The following SMCP variants were observed in gnomAD, a reference collection of about 807,000 sequenced individuals.
SMCP encodes sperm mitochondrial-associated cysteine-rich protein.
For synonymous variants in SMCP, 41 were observed against 46.9 expected (o/e 0.87, Z 0.51); for missense variants, 137 against 137.1 (o/e 1.00, Z 0.01).
At chr1:152,881,689 C>T (rs1240690335) in intron 1 of SMCP, among the ~76,000 whole-genome samples, 5 of 123,676 alleles carry the variant, frequency 4.0e-5, no homozygotes, top group Non-Finnish European at 6.1e-5. Context: ...AGCGAGACTC[C>T]GTCTCAAAAA....
At chr1:152,883,424 C>A (rs1009009416) in intron 1 of SMCP, among the ~76,000 whole-genome samples, 2 of 152,154 alleles carry the variant, frequency 1.3e-5, no homozygotes, top group Admixed American at 6.5e-5. Flanking sequence ...GGGACCAGGG[C>A]GGAAACCATT....
chr1:152,881,784 A>G (rs7553755), intron 1 of SMCP, among the ~76,000 whole-genome samples: 17,911 of 151,852 alleles, frequency 0.12, 2,661 homozygotes, highest in East Asian at 0.52. Flanking sequence ...CATGTCTGAG[A>G]AGGCCTCAGG....
chr1:152,879,117 G>A lies in SMCP; in HGVS notation c.-21+671G>A, dbSNP rs1382049339. Among the ~76,000 whole-genome samples, 4 of 152,244 alleles carry A rather than the reference G, an allele frequency of 2.6e-5. No homozygotes were observed. The East Asian group carries it at 7.7e-4, about 29-fold the overall frequency. ...AGATGGCCCTGGCCTTGCACCACAA[G>A]TGTTTGACATGATTAGGCAGATTTC... On this transcript the variant is annotated intron_variant, in intron 1 of 1. Coordinates refer to ENST00000368765, the MANE Select transcript of SMCP (RefSeq NM_030663.3).
chr1:152,884,276 C>G (rs1283223566), intron 1 of SMCP, 127 bp from the exon 2 acceptor site: 1 of 826,024 alleles, frequency 1.2e-6, no homozygotes, highest in African/African-American at 1.7e-5. Flanking sequence ...AGGGATCCAG[C>G]TCTGCTTTCT....
chr1:152,882,557 C>T (rs80203710), intron 1 of SMCP, among the ~76,000 whole-genome samples: 1,804 of 152,290 alleles, frequency 0.012, 29 homozygotes, highest in African/African-American at 0.041. Flanking sequence ...TGAGAAAGTT[C>T]AAGCAATCTC....
intron 1 of SMCP, among the ~76,000 whole-genome samples, 180 bp from the exon 2 acceptor site, chr1:152,884,223 G>A (rs1293329468): frequency 6.6e-6 from 1 of 152,138 alleles, no homozygotes; most frequent in Non-Finnish European, 1.5e-5. Context: ...CAAACACACT[G>A]GCATATGCAA....
In SMCP at chr1:152,884,467, C is replaced by A; in HGVS notation, c.45C>A (p.Gly15=). ...ACAGTAAATGCTGCCCAGCAAAAGG[C>A]AATCAATGCTGCCCACCACAGCAGA... is the stretch of plus-strand genomic sequence containing the variant. ...TKHSKCCPAK[G]NQCCPPQQNQ... Residue 15 remains glycine, a synonymous_variant, in exon 2 of 2, where the codon GGC becomes GGA. Coordinates refer to ENST00000368765, the MANE Select transcript of SMCP (RefSeq NM_030663.3). 6.2e-7 allele frequency: 1 copy of A among 1,614,018 alleles called. No individual in the cohort carries two copies. The highest frequency in any genetic ancestry group is 8.5e-7 in the Non-Finnish European group (1 of 1,179,910).
chr1:152,882,656 G>C (rs4363387), intron 1 of SMCP, among the ~76,000 whole-genome samples: 18,079 of 150,988 alleles, frequency 0.12, 2,696 homozygotes, highest in East Asian at 0.52. Context: ...CATGCACTTA[G>C]GTGCACACAC....
chr1:152,882,681 A>G (rs576901296), intron 1 of SMCP, among the ~76,000 whole-genome samples: 2 of 151,604 alleles, frequency 1.3e-5, no homozygotes, highest in Non-Finnish European at 2.9e-5. Context: ...ACACACACAC[A>G]CTCTCACAGA....
Position 152,884,651 on chromosome 1 carries a change from A to T in SMCP, c.229A>T (p.Lys77Ter). The T allele has an allele frequency of 6.2e-7, 1 of 1,614,188 alleles. No homozygotes were observed. Among genetic ancestry groups the T allele is most frequent in the South Asian group, 1.1e-5 (1 of 91,080 alleles). Reference protein sequence around the residue: ...IQARCCGLETKPEVSPLNMES... With the variant: ...IQARCCGLET Reference sequence around the variant, plus strand: ...GGCCAGGTGCTGTGGTTTGGAGACCAAGCCTGAAGTCTCACCCCTTAACAT... The same window carrying T: ...GGCCAGGTGCTGTGGTTTGGAGACCTAGCCTGAAGTCTCACCCCTTAACAT... Residue 77 changes from lysine (K) to a stop codon, truncating the protein, a stop_gained, in exon 2 of 2, where the codon AAG (lysine) becomes TAG (stop). Transcript: ENST00000368765. LOFTEE classifies it low-confidence loss of function (END_TRUNC).
intron 1 of SMCP, among the ~76,000 whole-genome samples, chr1:152,880,020 G>T (rs1357096026): frequency 1.3e-5 from 2 of 152,092 alleles, no homozygotes; most frequent in Non-Finnish European, 2.9e-5. Context: ...TCTGCACTTT[G>T]GTCAATTCAG....
Position 152,884,645 on chromosome 1 carries a change from G to A in SMCP, c.223G>A (p.Glu75Lys). 1 of 1,614,172 alleles carries A rather than the reference G, an allele frequency of 6.2e-7. No homozygotes were observed. Residue 75 changes from glutamate (E) to lysine (K), a missense_variant, in exon 2 of 2, where the codon GAG becomes AAG. Coordinates refer to ENST00000368765, the MANE Select transcript of SMCP (RefSeq NM_030663.3). ...CATTCAGGCCAGGTGCTGTGGTTTGGAGACCAAGCCTGAAGTCTCACCCCT... is the reference window on the plus strand; with the variant it reads ...CATTCAGGCCAGGTGCTGTGGTTTGAAGACCAAGCCTGAAGTCTCACCCCT... ...CCIQARCCGL[E>K]TKPEVSPLNM...
At position 152,884,779 on chromosome 1, in the gene SMCP, G is replaced by A. The variant is rs771574383; in HGVS notation, c.*6G>A. 3.5e-5 allele frequency: 56 copies of A among 1,610,070 alleles called. No homozygotes were observed. Among genetic ancestry groups the A allele is most frequent in the Non-Finnish European group, 4.6e-5 (54 of 1,177,482 alleles). ...AGTCCAGGCCAAGCAAATGAGAGCA[G>A]AAGAAGTCAAACAAAGAAGAAGTCC... On this transcript the variant is annotated 3_prime_UTR_variant, in exon 2 of 2. Transcript: ENST00000368765.
chr1:152,882,796 C>A (rs543866906), intron 1 of SMCP, among the ~76,000 whole-genome samples: 1 of 152,330 alleles, frequency 6.6e-6, no homozygotes, highest in East Asian at 1.9e-4. Flanking sequence ...GTAATCCCAG[C>A]ACTTTGAGAG....
At chr1:152,881,557 G>T (rs1299051463) in intron 1 of SMCP, among the ~76,000 whole-genome samples, 1 of 151,090 alleles carries the variant, frequency 6.6e-6, no homozygotes, top group African/African-American at 2.4e-5. Flanking sequence ...GCGTGGTGGC[G>T]GGCGCCTGTA....
chr1:152,879,466 C>G (rs1229035693), intron 1 of SMCP, among the ~76,000 whole-genome samples: 1 of 152,154 alleles, frequency 6.6e-6, no homozygotes, highest in Non-Finnish European at 1.5e-5. Context: ...AGTGATTCAC[C>G]CGTCCCAGCC....
chr1:152,881,662 TC>T (rs1421953465), intron 1 of SMCP, among the ~76,000 whole-genome samples: 4 of 137,844 alleles, frequency 2.9e-5, no homozygotes, highest in African/African-American at 5.7e-5. Flanking sequence ...CAGTCCGCAG[TC>T]CGGCCTGGGC....
chr1:152,881,650 T>C (rs1434198676), intron 1 of SMCP, among the ~76,000 whole-genome samples: 1 of 141,870 alleles, frequency 7.0e-6, no homozygotes, highest in African/African-American at 2.8e-5. Context: ...ATTGCGCCAC[T>C]GCAGTCCGCA....
chr1:152,881,807 G>A (rs1380042597), intron 1 of SMCP, among the ~76,000 whole-genome samples: 2 of 152,064 alleles, frequency 1.3e-5, no homozygotes, highest in African/African-American at 4.8e-5. Context: ...ACACAATCAT[G>A]GCAGAAGGCA....
Sources: gnomAD v4.1 joint callset for allele counts (sites outside exome capture counted in the v4.1 genomes callset) on GRCh38, gnomAD v4.1.1 for gene constraint, MANE v1.5 for transcripts, NCBI Gene and HGNC (gene_info 2026-07-23, HGNC 2026-07-21) for gene names.